Variants in LDLRAD4 observed in about 807,000 individuals in gnomAD.
LDLRAD4 encodes the protein low-density lipoprotein receptor class A domain-containing protein 4.
Under a neutral mutation model 17.0 loss-of-function variants are expected in LDLRAD4, and 5 were observed. The ratio of observed to expected loss-of-function variants is 0.29; its 90% CI spans 0.15 to 0.62. LDLRAD4 has a LOEUF of 0.62. LDLRAD4 is among the 20% of genes least tolerant of loss of function. LDLRAD4 has a pLI of 0.84. For synonymous variants in LDLRAD4, 168 were observed against 171.8 expected (o/e 0.98, Z 0.17); for missense variants, 340 against 424.7 (o/e 0.80, Z 1.75).
intron 3 of LDLRAD4, among the ~76,000 whole-genome samples, chr18:13,618,899 GTC>G (rs1274892522): frequency 6.6e-6 from 1 of 152,238 alleles, no homozygotes; most frequent in African/African-American, 2.4e-5. Flanking sequence ...CCTGAGCGGA[GTC>G]TCTCTGCTTC....
chr18:13,519,481 C>A (rs970657996), intron 3 of LDLRAD4, among the ~76,000 whole-genome samples: 5 of 152,156 alleles, frequency 3.3e-5, no homozygotes, highest in Non-Finnish European at 5.9e-5. Context: ...CAGAAATGGG[C>A]CAGGCGCAGT....
chr18:13,246,858 G>A (rs2145765621), intron 1 of LDLRAD4, among the ~76,000 whole-genome samples: 1 of 152,182 alleles, frequency 6.6e-6, no homozygotes, highest in Non-Finnish European at 1.5e-5. Context: ...CCTGCAGGTA[G>A]ATCATGATCA....
exon 6 of LDLRAD4, chr18:13,650,136 G>T (rs563341915): frequency 5.0e-4 from 199 of 398,800 alleles, no homozygotes; most frequent in Middle Eastern, 4.4e-3. Flanking sequence ...TCTTAGCCTT[G>T]CAGTGGTCTA....
chr18:13,344,609 A>AT (rs1306948249), intron 1 of LDLRAD4, among the ~76,000 whole-genome samples: 6 of 152,068 alleles, frequency 3.9e-5, no homozygotes, highest in African/African-American at 1.2e-4. Flanking sequence ...GTTTTTTCCA[A>AT]TCTGTGAAGA....
intron 3 of LDLRAD4, among the ~76,000 whole-genome samples, chr18:13,445,568 A>ATG (rs949013000): frequency 6.7e-6 from 1 of 148,458 alleles, no homozygotes; most frequent in Non-Finnish European, 1.5e-5. Flanking sequence ...GTGTTTGTGC[A>ATG]TGTGTGTGTG....
chr18:13,511,954 T>G (rs1253487142), intron 3 of LDLRAD4, among the ~76,000 whole-genome samples: 1 of 152,244 alleles, frequency 6.6e-6, no homozygotes, highest in Non-Finnish European at 1.5e-5. Context: ...ACCAGAAAGA[T>G]GTACAACATC....
At chr18:13,568,648 T>C (rs954802424) in intron 3 of LDLRAD4, among the ~76,000 whole-genome samples, 4 of 152,140 alleles carry the variant, frequency 2.6e-5, no homozygotes, top group African/African-American at 4.8e-5. Context: ...GTTCCAGTCT[T>C]GCTAAGGAAG....
intron 3 of LDLRAD4, among the ~76,000 whole-genome samples, chr18:13,529,798 C>G (rs561322534): frequency 1.3e-5 from 2 of 152,366 alleles, no homozygotes; most frequent in South Asian, 4.1e-4. Context: ...GTTTCATCCA[C>G]ATAGGCTGTC....
chr18:13,476,188 G>A (rs1353448481), intron 3 of LDLRAD4, among the ~76,000 whole-genome samples: 1 of 152,144 alleles, frequency 6.6e-6, no homozygotes, highest in African/African-American at 2.4e-5. Context: ...GGTGAGAGGT[G>A]GCAAAGTCAC....
At chr18:13,371,345 C>T (rs1443860757) in intron 1 of LDLRAD4, among the ~76,000 whole-genome samples, 1 of 152,182 alleles carries the variant, frequency 6.6e-6, no homozygotes, top group East Asian at 1.9e-4. Flanking sequence ...GTTCCATGCC[C>T]TGCTGCTGCT....
At chr18:13,540,327 G>C (rs959868855) in intron 3 of LDLRAD4, among the ~76,000 whole-genome samples, 1 of 152,178 alleles carries the variant, frequency 6.6e-6, no homozygotes, top group African/African-American at 2.4e-5. Flanking sequence ...ATAAACACAG[G>C]GACTCAATAT....
chr18:13,233,768 C>T (rs2042196846), intron 1 of LDLRAD4, among the ~76,000 whole-genome samples: 1 of 152,026 alleles, frequency 6.6e-6, no homozygotes, highest in Admixed American at 6.5e-5. Flanking sequence ...CATAGAGGAC[C>T]TCGGCCCAGA....
rs60116058 is a variant in LDLRAD4, at chr18:13,576,421, CAAAA to C, written c.182-44680_182-44677del. On this transcript the variant is annotated intron_variant, in intron 3 of 5. Transcript: ENST00000359446. ...TGGGGGACAGAGCGAGACTCTGTCT[CAAAA>C]AAAAAAAAAAAAAAAGAAAGAAAGA... Among the ~76,000 whole-genome samples the C allele has an allele frequency of 4.0e-4, 36 of 90,284 alleles. No homozygotes were observed. The East Asian group carries it at 8.5e-3, about 21-fold the overall frequency. 59.2% of individuals were successfully genotyped at this position (90,284 alleles called of 152,430 possible).
chr18:13,376,732 G>A (rs1007876055), intron 1 of LDLRAD4, among the ~76,000 whole-genome samples: 1 of 152,176 alleles, frequency 6.6e-6, no homozygotes, highest in Admixed American at 6.5e-5. Context: ...AGGAGGGCAC[G>A]TATCTTTACC....
At chr18:13,560,834 C>T (rs1224669349) in intron 3 of LDLRAD4, among the ~76,000 whole-genome samples, 2 of 152,218 alleles carry the variant, frequency 1.3e-5, no homozygotes, top group Non-Finnish European at 1.5e-5. Flanking sequence ...AAGTAGAGAA[C>T]AGAGTGCAGA....
chr18:13,646,487 G>A (rs139384410), exon 6 of LDLRAD4: 4 of 152,346 alleles, frequency 2.6e-5, no homozygotes, highest in African/African-American at 9.6e-5. Flanking sequence ...GAGACTTTTG[G>A]ATGGAAGATA....
intron 3 of LDLRAD4, among the ~76,000 whole-genome samples, chr18:13,529,444 A>G: frequency 6.6e-6 from 1 of 152,362 alleles, no homozygotes; most frequent in Admixed American, 6.5e-5. Flanking sequence ...GAAAAAATGC[A>G]TATGGAGACC....
chr18:13,494,481 C>T (rs1315259474), intron 3 of LDLRAD4, among the ~76,000 whole-genome samples: 1 of 150,680 alleles, frequency 6.6e-6, no homozygotes, highest in Non-Finnish European at 1.5e-5. Flanking sequence ...ATATATCTGC[C>T]CTCATAAGAC....
intron 1 of LDLRAD4, among the ~76,000 whole-genome samples, chr18:13,301,726 C>T (rs1187406057): frequency 1.3e-5 from 2 of 152,232 alleles, no homozygotes; most frequent in Non-Finnish European, 2.9e-5. Flanking sequence ...TTGTGACCCT[C>T]ACTAGGCCCC....
Sources: allele counts gnomAD v4.1 joint callset (sites outside exome capture counted in the v4.1 genomes callset), GRCh38; gene constraint gnomAD v4.1.1; transcripts MANE v1.5; gene names NCBI Gene and HGNC (gene_info 2026-07-23, HGNC 2026-07-21).